The following PCDHGA9 variants were observed in gnomAD, a reference collection of about 807,000 sequenced individuals.
PCDHGA9 encodes protocadherin gamma-A9.
In PCDHGA9, 37 loss-of-function variants were observed where a neutral mutation model predicts 62.5. That is an observed-to-expected ratio of 0.59 (90% CI 0.46 to 0.78). PCDHGA9 has a LOEUF of 0.78. Ranked by LOEUF, PCDHGA9 falls within the 30% of genes least tolerant of loss-of-function variation. The pLI is 0.00. For missense variants in PCDHGA9, 1,138 were observed against 1,166.2 expected, an observed-to-expected ratio of 0.98 and a Z score of 0.35; for synonymous variants, 459 against 484.6, an observed-to-expected ratio of 0.95 and a Z score of 0.69.
rs767497197 is a variant in PCDHGA9, at chr5:141,486,350, T to C, written c.2425-8457T>C. The C allele has an allele frequency of 6.2e-7, 1 of 1,614,128 alleles. No homozygotes were observed. Among genetic ancestry groups the C allele is most frequent in the South Asian group, 1.1e-5 (1 of 91,074 alleles). On this transcript the variant is annotated intron_variant, in intron 1 of 3. Transcript: ENST00000573521. The surrounding 1 kb of genome is among the most constrained non-coding windows in gnomAD (Gnocchi z 5.0). ...TGTGAGCCTCCGCATTCCTGACCAC[T>C]TGCCATTTGCCCTCAAGTCTGCCTT...
At chr5:141,480,649 C>A (rs2099522804) in intron 1 of PCDHGA9, among the ~76,000 whole-genome samples, 1 of 152,184 alleles carries the variant, frequency 6.6e-6, no homozygotes, top group Non-Finnish European at 1.5e-5. Flanking sequence ...AACTTGGTTG[C>A]ACATTAAAAT....
intron 1 of PCDHGA9, chr5:141,409,914 G>C: frequency 6.2e-7 from 1 of 1,613,348 alleles, no homozygotes; most frequent in East Asian, 2.2e-5. Context: ...GGTCCTGACG[G>C]CTCCGCGTTC....
At chr5:141,500,369 C>T (rs1034629981) in intron 2 of PCDHGA9, among the ~76,000 whole-genome samples, 4 of 151,866 alleles carry the variant, frequency 2.6e-5, no homozygotes, top group Admixed American at 6.6e-5. Flanking sequence ...CTACCACGCC[C>T]GGCTAATTAT....
intron 1 of PCDHGA9, chr5:141,415,520 C>T: frequency 6.2e-7 from 1 of 1,614,190 alleles, no homozygotes; most frequent in Non-Finnish European, 8.5e-7. Flanking sequence ...TATGCGGACA[C>T]GCTCATCAGC....
At chr5:141,428,020 C>A (rs1443722620) in intron 1 of PCDHGA9, 1 of 1,605,408 alleles carries the variant, frequency 6.2e-7, no homozygotes, top group Admixed American at 1.7e-5. Context: ...GTGCCACGCG[C>A]CGCAGAGTCC....
In PCDHGA9 at chr5:141,494,832, G is replaced by A. The variant is rs758427900; in HGVS notation, c.2450G>A (p.Arg817His). The A allele has an allele frequency of 1.2e-6, 2 of 1,614,066 alleles. No homozygotes were observed. Among genetic ancestry groups the A allele is most frequent in the Non-Finnish European group, 1.7e-6 (2 of 1,179,994 alleles). The change falls in exon 2 of 4, where the codon CGT (arginine) becomes CAT (histidine). Residue 817 changes from arginine (R) to histidine (H), a missense_variant. Transcript: ENST00000573521. ...CAAGCCCCGCCCAACACGGACTGGC[G>A]TTTCTCTCAGGCCCAGAGACCCGGC... ...VPQAPPNTDW[R>H]FSQAQRPGTS...
intron 1 of PCDHGA9, chr5:141,414,180 A>T: frequency 6.2e-7 from 1 of 1,608,986 alleles, no homozygotes; most frequent in Non-Finnish European, 8.5e-7. Context: ...TTGCAACTGC[A>T]AAAGTGTTGA....
At position 141,422,108 on chromosome 5, in the gene PCDHGA9, A is replaced by G. The variant is rs766617894; in HGVS notation, c.2424+16732A>G. 4.4e-6 allele frequency: 7 copies of G among 1,606,984 alleles called. No homozygotes were observed. In the East Asian group the frequency reaches 1.6e-4, roughly 36 times the overall value. ...GAAAGCAAGGCTTCTGAAATATTCCAATTGGATTCACAAACTGGAGAAGTT... is the reference window on the plus strand; with the variant it reads ...GAAAGCAAGGCTTCTGAAATATTCCGATTGGATTCACAAACTGGAGAAGTT... On this transcript the variant is annotated intron_variant, in intron 1 of 3. Transcript: ENST00000573521.
intron 1 of PCDHGA9, chr5:141,419,910 C>A (rs539905795): frequency 1.9e-6 from 3 of 1,613,968 alleles, no homozygotes; most frequent in Non-Finnish European, 2.5e-6. Flanking sequence ...CCCTCTGACT[C>A]CCAGGCTGAG....
chr5:141,408,125 C>T, intron 1 of PCDHGA9: 1 of 1,478,650 alleles, frequency 6.8e-7, no homozygotes, highest in South Asian at 1.4e-5. Context: ...CTGTCCTGGG[C>T]CGAATGCTCT....
chr5:141,485,067 C>G lies in PCDHGA9; in HGVS notation c.2425-9740C>G, dbSNP rs944494894. On this transcript the variant is annotated intron_variant, in intron 1 of 3. Transcript: ENST00000573521. This position sits in a 1 kb window ranked among gnomAD's most constrained non-coding sequence, Gnocchi z 5.7. Reference sequence around the variant, plus strand: ...CGGCGCCGGCCGAACCGCGCCAGAGCTGGCGCGGGGAAAGGGAGATAGGTG... The same window carrying G: ...CGGCGCCGGCCGAACCGCGCCAGAGGTGGCGCGGGGAAAGGGAGATAGGTG... 21 of 894,418 alleles carry G rather than the reference C, an allele frequency of 2.3e-5. No individual in the cohort carries two copies. The highest frequency in any genetic ancestry group is 1.8e-4 in the Admixed American group (8 of 43,320). 55.4% of individuals were successfully genotyped at this position (894,418 alleles called of 1,614,324 possible). A position where few individuals can be genotyped will look rare whatever the true frequency, so the allele number is the denominator to read the frequency against.
At chr5:141,473,919 A>G (rs2099331297) in intron 1 of PCDHGA9, among the ~76,000 whole-genome samples, 1 of 152,172 alleles carries the variant, frequency 6.6e-6, no homozygotes, top group African/African-American at 2.4e-5. Flanking sequence ...TAAGAAAACT[A>G]TGAGCTGGGT....
Position 141,487,682 on chromosome 5 carries a change from G to A in PCDHGA9, c.2425-7125G>A, listed in dbSNP as rs757434520. On this transcript the variant is annotated intron_variant, in intron 1 of 3. Transcript: ENST00000573521. This position sits in a 1 kb window ranked among gnomAD's most constrained non-coding sequence, Gnocchi z 5.0. ...TGATCCAGGCATATGGCTAGGCCATGTCCTAGAGAGTACTGGCCTCTCAGT... is the reference window on the plus strand; with the variant it reads ...TGATCCAGGCATATGGCTAGGCCATATCCTAGAGAGTACTGGCCTCTCAGT... The A allele has an allele frequency of 1.2e-6, 2 of 1,607,256 alleles. No individual in the cohort carries two copies. Among genetic ancestry groups the A allele is most frequent in the East Asian group, 4.5e-5 (2 of 44,762 alleles).
intron 3 of PCDHGA9, 154 bp from the exon 4 acceptor site, chr5:141,510,793 G>GAGA: frequency 1.1e-6 from 1 of 935,078 alleles, no homozygotes; most frequent in Non-Finnish European, 1.3e-6. Context: ...CTCTTGTGAA[G>GAGA]AGAGACTACC....
At chr5:141,428,082 G>C (rs776612130) in intron 1 of PCDHGA9, 2 of 1,609,030 alleles carry the variant, frequency 1.2e-6, no homozygotes, top group Non-Finnish European at 8.5e-7. Flanking sequence ...GGGACACAAC[G>C]CTTGGCTGTC....
At position 141,494,693 on chromosome 5, in the gene PCDHGA9, G is replaced by A. The variant is rs2099756182; in HGVS notation, c.2425-114G>A. The A allele has an allele frequency of 5.0e-6, 8 of 1,585,786 alleles. No individual in the cohort carries two copies. In the South Asian group the frequency reaches 6.8e-5, roughly 13 times the overall value. ...GTCCACCCCTGCCCCCTCTTAGTCC[G>A]TTTTCTTCTCTGTGCCCACTCCCCT... is the stretch of plus-strand genomic sequence containing the variant. On this transcript the variant is annotated intron_variant, in intron 1 of 3. Transcript: ENST00000573521.
chr5:141,445,188 G>A (rs1267342449), intron 1 of PCDHGA9, among the ~76,000 whole-genome samples: 5 of 152,198 alleles, frequency 3.3e-5, no homozygotes, highest in South Asian at 2.1e-4. Flanking sequence ...ATGTTTTTAT[G>A]TATTCTATAT....
intron 1 of PCDHGA9, chr5:141,417,038 T>TAAA (rs567249795): frequency 5.5e-5 from 8 of 145,968 alleles, no homozygotes; most frequent in East Asian, 2.0e-4. Context: ...GTTTTTTTTT[T>TAAA]AAAAAAAACT....
intron 1 of PCDHGA9, among the ~76,000 whole-genome samples, chr5:141,474,266 G>A (rs1420620306): frequency 6.6e-6 from 1 of 152,186 alleles, no homozygotes; most frequent in Non-Finnish European, 1.5e-5. Context: ...ATAAACCAGT[G>A]TATCTCTGAA....
Sources: gnomAD v4.1 joint callset for allele counts (sites outside exome capture counted in the v4.1 genomes callset) on GRCh38, gnomAD v4.1.1 for gene constraint, Gnocchi (gnomAD v3.1) non-coding constraint, MANE v1.5 for transcripts, NCBI Gene and HGNC (gene_info 2026-07-23, HGNC 2026-07-21) for gene names.